The following LONP2 variants were observed in gnomAD, a reference collection of about 807,000 sequenced individuals.
The protein encoded by LONP2 is lon protease homolog 2, peroxisomal.
In LONP2, 60 loss-of-function variants were observed where a neutral mutation model predicts 85.6. That is an observed-to-expected ratio of 0.70 (90% confidence interval 0.57 to 0.87). The LOEUF (loss-of-function observed/expected upper bound fraction) is 0.87, where lower values mean the gene tolerates loss of function less well. Ranked by LOEUF, LONP2 falls within the 40% of genes least tolerant of loss-of-function variation. The pLI, the probability that LONP2 is intolerant of heterozygous loss-of-function variation, is 0.00. For missense variants in LONP2, 860 were observed against 1,063.5 expected (o/e 0.81, Z 2.66); for synonymous variants, 395 against 389.7 (o/e 1.01, Z -0.16).
intron 3 of LONP2, 121 bp downstream of exon 3, chr16:48,256,862 C>T (rs1971771386): frequency 1.2e-6 from 1 of 863,176 alleles, no homozygotes; most frequent in Admixed American, 2.7e-5. Context: ...AATTGAAATG[C>T]TTTTACATTT....
rs1360877742 is a variant in LONP2, at chr16:48,351,538, G to A, written c.2338-43G>A. Reference sequence around the variant, plus strand: ...GCTGGGTCAGGGTTTCTTTCAGCTTGAGGGTGATCATTAACCCTAAAAACT... The same window carrying A: ...GCTGGGTCAGGGTTTCTTTCAGCTTAAGGGTGATCATTAACCCTAAAAACT... On this transcript the variant is annotated intron_variant, in intron 14 of 14. Coordinates refer to ENST00000285737, the MANE Select transcript of LONP2 (RefSeq NM_031490.5). The A allele has an allele frequency of 2.6e-6, 4 of 1,519,244 alleles. No homozygotes were observed. The South Asian group carries it at 3.4e-5, about 13-fold the overall frequency. The allele number at this position is 1,519,244 out of a possible 1,614,324, so 94.1% of individuals were successfully genotyped here.
At chr16:48,246,367 T>C (rs1336371883) in intron 1 of LONP2, among the ~76,000 whole-genome samples, 1 of 152,210 alleles carries the variant, frequency 6.6e-6, no homozygotes, top group Non-Finnish European at 1.5e-5. Flanking sequence ...TTTCCCAAAT[T>C]ATTTTGCCTT....
chr16:48,358,988 AAT>A (rs1471390018), downstream of LONP2, among the ~76,000 whole-genome samples: 4 of 152,262 alleles, frequency 2.6e-5, no homozygotes, highest in African/African-American at 7.2e-5. Flanking sequence ...GAATATACCC[AAT>A]ATGTTTTGTT....
intron 12 of LONP2, 110 bp from the exon 13 acceptor site, chr16:48,347,397 G>A: frequency 5.1e-6 from 5 of 970,906 alleles, no homozygotes; most frequent in Non-Finnish European, 4.9e-6. Flanking sequence ...AGGACTTTGA[G>A]GTAAGTGGCT....
chr16:48,256,252 C>T (rs2353650), intron 2 of LONP2, among the ~76,000 whole-genome samples: 1,863 of 152,192 alleles, frequency 0.012, 40 homozygotes, highest in African/African-American at 0.042. Flanking sequence ...TTGGTGAATT[C>T]AATTGGTGAA....
chr16:48,244,591 G>C lies in LONP2; in HGVS notation c.203G>C (p.Ser68Thr). 2 of 1,491,866 alleles carry C rather than the reference G, an allele frequency of 1.3e-6. No homozygotes were observed. The highest frequency in any genetic ancestry group is 1.8e-6 in the Non-Finnish European group (2 of 1,123,650). 92.4% of individuals were successfully genotyped at this position (1,491,866 alleles called of 1,614,324 possible). The change falls in exon 1 of 15, where the codon AGC becomes ACC. Residue 68 changes from serine to threonine, a missense_variant. Physicochemically the swap from Ser to Thr is moderately conservative, Grantham distance 58 (BLOSUM62 1). Transcript: ENST00000285737. ...GVIPNTPDPA[S>T]DAQDLPPLHR... ...ATCCCCAACACGCCTGACCCCGCCA[G>C]CGACGCGCAGGACCTGCCGCCGCTG...
At chr16:48,259,280 T>G (rs1245218410) in intron 4 of LONP2, among the ~76,000 whole-genome samples, 3 of 152,220 alleles carry the variant, frequency 2.0e-5, no homozygotes, top group African/African-American at 7.2e-5. Flanking sequence ...ATTTAATTCT[T>G]TAACCCATAT....
downstream of LONP2, chr16:48,361,701 A>G (rs1960605941): frequency 6.2e-7 from 1 of 1,614,188 alleles, no homozygotes; most frequent in Admixed American, 1.7e-5. Flanking sequence ...TCCTTCATGA[A>G]TAGATCGAGG....
intron 6 of LONP2, among the ~76,000 whole-genome samples, chr16:48,266,008 T>G (rs1174615792): frequency 6.6e-6 from 1 of 152,164 alleles, no homozygotes; most frequent in Admixed American, 6.6e-5. Context: ...TTCTATTTAT[T>G]TATTTATTTT....
At chr16:48,321,697 A>C (rs988675532) in intron 11 of LONP2, among the ~76,000 whole-genome samples, 1 of 152,218 alleles carries the variant, frequency 6.6e-6, no homozygotes, top group Admixed American at 6.5e-5. Context: ...TACTGTAGGC[A>C]ATTATAACAG....
chr16:48,247,305 C>T (rs1229362681), intron 1 of LONP2: 2 of 152,806 alleles, frequency 1.3e-5, no homozygotes, highest in Admixed American at 6.5e-5. Context: ...TCTGTCCTTC[C>T]CCAGTTACCT....
intron 12 of LONP2, 161 bp downstream of exon 12, chr16:48,334,519 C>G: frequency 3.5e-6 from 3 of 849,186 alleles, no homozygotes; most frequent in Non-Finnish European, 5.9e-6. Context: ...GGCCGCACTT[C>G]TTGCAGCAGT....
At chr16:48,272,083 T>G (rs1972117370) in intron 7 of LONP2, among the ~76,000 whole-genome samples, 1 of 152,204 alleles carries the variant, frequency 6.6e-6, no homozygotes, top group Non-Finnish European at 1.5e-5. Flanking sequence ...CTTATTTCTT[T>G]TCACATTGGT....
At chr16:48,318,321 C>G (rs1394156208) in intron 11 of LONP2, among the ~76,000 whole-genome samples, 2 of 152,018 alleles carry the variant, frequency 1.3e-5, no homozygotes, top group African/African-American at 4.8e-5. Context: ...GAGTTTGAGA[C>G]CAGCCTGGCC....
intron 8 of LONP2, among the ~76,000 whole-genome samples, chr16:48,280,857 AGTACT>A (rs1320393896): frequency 6.6e-6 from 1 of 152,210 alleles, no homozygotes; most frequent in East Asian, 1.9e-4. Flanking sequence ...TAAATGGTAA[AGTACT>A]GTACAGATGT....
At chr16:48,275,648 T>G (rs1972192382) in intron 7 of LONP2, among the ~76,000 whole-genome samples, 1 of 152,146 alleles carries the variant, frequency 6.6e-6, no homozygotes, top group African/African-American at 2.4e-5. Context: ...GCACCATATT[T>G]TTAAGAAAGG....
chr16:48,359,462 C>G (rs371318573), downstream of LONP2, among the ~76,000 whole-genome samples: 1 of 152,092 alleles, frequency 6.6e-6, no homozygotes, highest in East Asian at 1.9e-4. Flanking sequence ...CGGTGGCTCA[C>G]GCCTATAATC....
intron 12 of LONP2, chr16:48,346,075 A>C (rs939933339): frequency 7.9e-5 from 12 of 151,960 alleles, no homozygotes; most frequent in African/African-American, 2.4e-4. Flanking sequence ...GAGGAAAAGA[A>C]GTGCCCAATA....
rs1321793018 is a variant in LONP2 at position 48,345,210 on chromosome 16, ACT to A, written c.1939-2294_1939-2293del. 4 of 152,362 alleles carry A rather than the reference ACT, an allele frequency of 2.6e-5. No homozygotes were observed. The East Asian group carries it at 5.8e-4, about 22-fold the overall frequency. 9.4% of individuals were successfully genotyped at this position (152,362 alleles called of 1,614,324 possible). Reference sequence around the variant, plus strand: ...ACTCCAGCCTGAGCTACAGAGCGAGACTCTGTCTCAAAAAAACAAAAAACAAA... The same window carrying A: ...ACTCCAGCCTGAGCTACAGAGCGAGACTGTCTCAAAAAAACAAAAAACAAA... On this transcript the variant is annotated intron_variant, in intron 12 of 14. Transcript: ENST00000285737.
Sources: gnomAD v4.1 joint callset for allele counts (sites outside exome capture counted in the v4.1 genomes callset) on GRCh38, gnomAD v4.1.1 for gene constraint, MANE v1.5 for transcripts, NCBI Gene and HGNC (gene_info 2026-07-23, HGNC 2026-07-21) for gene names.